The following ZNF609 variants were observed in gnomAD, a reference collection of about 807,000 sequenced individuals.
ZNF609 encodes zinc finger protein 609.
In ZNF609, 11 loss-of-function variants were observed where a neutral mutation model predicts 109.5. The observed-to-expected ratio is 0.10, with a 90% confidence interval of 0.06 to 0.17. ZNF609 has a LOEUF of 0.17. Ranked by LOEUF, ZNF609 falls within the 10% of genes least tolerant of loss-of-function variation. ZNF609 has a pLI of 1.00. For missense variants in ZNF609, 1,559 were observed against 1,772.4 expected (o/e 0.88, Z 2.16); for synonymous variants, 646 against 662.0 (o/e 0.98, Z 0.37).
intron 2 of ZNF609, among the ~76,000 whole-genome samples, chr15:64,586,471 A>G (rs1895198870): frequency 1.3e-5 from 2 of 152,148 alleles, no homozygotes; most frequent in African/African-American, 4.8e-5. Flanking sequence ...TGGCTGAGAA[A>G]GTATTAGCAC....
At chr15:64,655,465 CAT>C (rs1216263140) in intron 3 of ZNF609, among the ~76,000 whole-genome samples, 2 of 151,892 alleles carry the variant, frequency 1.3e-5, no homozygotes, top group African/African-American at 4.8e-5. Context: ...ATATCTATAA[CAT>C]AATACTAAAT....
At chr15:64,466,944 T>C (rs1406186593) in intron 1 of ZNF609, among the ~76,000 whole-genome samples, 1 of 151,934 alleles carries the variant, frequency 6.6e-6, no homozygotes, top group African/African-American at 2.4e-5. Flanking sequence ...TCTTCCCCCC[T>C]CCCCTTGCTC....
At chr15:64,602,879 C>T (rs1210869861) in intron 2 of ZNF609, among the ~76,000 whole-genome samples, 2 of 141,582 alleles carry the variant, frequency 1.4e-5, no homozygotes, top group South Asian at 2.4e-4. Context: ...CCTGCCACCA[C>T]TCTGGGCTAA....
intron 2 of ZNF609, among the ~76,000 whole-genome samples, chr15:64,613,082 G>A (rs548536536): frequency 6.6e-6 from 1 of 152,268 alleles, no homozygotes; most frequent in East Asian, 1.9e-4. Context: ...AGCACTTTGG[G>A]AGGCTGAGGT....
intron 3 of ZNF609, among the ~76,000 whole-genome samples, chr15:64,636,607 C>T (rs1209747782): frequency 6.6e-6 from 1 of 152,224 alleles, no homozygotes; most frequent in African/African-American, 2.4e-5. Flanking sequence ...ATTTATGAAG[C>T]TCCCTTTTGC....
chr15:64,603,256 A>T (rs540144267), intron 2 of ZNF609, among the ~76,000 whole-genome samples: 1 of 149,218 alleles, frequency 6.7e-6, no homozygotes, highest in Non-Finnish European at 1.5e-5. Context: ...GACTTGAGTC[A>T]GTCACTGAGT....
intron 2 of ZNF609, among the ~76,000 whole-genome samples, chr15:64,543,538 G>A (rs370969383): frequency 1.3e-4 from 19 of 151,572 alleles, no homozygotes; most frequent in African/African-American, 4.6e-4. Context: ...CCACCTCTGG[G>A]TTCAAACGTT....
At chr15:64,629,840 A>G (rs1896036791) in intron 3 of ZNF609, among the ~76,000 whole-genome samples, 1 of 152,200 alleles carries the variant, frequency 6.6e-6, no homozygotes, top group Non-Finnish European at 1.5e-5. Context: ...TTACTTTAGC[A>G]GCTTTCTATT....
intron 2 of ZNF609, among the ~76,000 whole-genome samples, chr15:64,522,963 A>G (rs1486520958): frequency 3.0e-5 from 3 of 100,446 alleles, no homozygotes; most frequent in African/African-American, 6.5e-5. Context: ...CTTTTAATAC[A>G]TTGTGGTTAA....
At chr15:64,567,208 G>T (rs1894789429) in intron 2 of ZNF609, among the ~76,000 whole-genome samples, 1 of 152,082 alleles carries the variant, frequency 6.6e-6, no homozygotes, top group Non-Finnish European at 1.5e-5. Flanking sequence ...CATTCCAGCT[G>T]GGCGCCATGA....
chr15:64,669,011 A>T (rs1896689440), intron 3 of ZNF609, among the ~76,000 whole-genome samples: 1 of 151,938 alleles, frequency 6.6e-6, no homozygotes, highest in South Asian at 2.1e-4. Context: ...CCCTATATAA[A>T]ACATAATTTT....
At chr15:64,582,723 C>CTTT (rs538806936) in intron 2 of ZNF609, among the ~76,000 whole-genome samples, 2 of 88,814 alleles carry the variant, frequency 2.3e-5, no homozygotes, top group Non-Finnish European at 4.0e-5. Context: ...TTTCTTTTTT[C>CTTT]TTTTTTTTTT....
At position 64,576,971 on chromosome 15, in the gene ZNF609, AAT is replaced by A. The variant is rs71133446; in HGVS notation, c.748-45847_748-45846del. On this transcript the variant is annotated intron_variant, in intron 2 of 9. Coordinates refer to ENST00000326648, the MANE Select transcript of ZNF609 (RefSeq NM_015042.2). ...ATACATATATGTATATATACACATA[AAT>A]ATATATATGTATGTATACACATAAA... 1.5e-3 allele frequency among the ~76,000 whole-genome samples: 194 copies of A among 131,540 alleles called. 4 individuals are homozygous for A. The highest frequency in any genetic ancestry group is 0.014 in the South Asian group (60 of 4,408). The allele number at this position is 131,540 out of a possible 152,430, so 86.3% of individuals were successfully genotyped here. A position where few individuals can be genotyped will look rare whatever the true frequency, so the allele number is the denominator to read the frequency against.
intron 2 of ZNF609, among the ~76,000 whole-genome samples, chr15:64,606,258 A>T (rs1384327579): frequency 6.7e-6 from 1 of 149,920 alleles, no homozygotes; most frequent in Non-Finnish European, 1.5e-5. Context: ...AGGACCCGCC[A>T]CCATGCCTGG....
At chr15:64,610,009 C>T (rs947702707) in intron 2 of ZNF609, among the ~76,000 whole-genome samples, 3 of 151,466 alleles carry the variant, frequency 2.0e-5, no homozygotes, top group African/African-American at 7.3e-5. Flanking sequence ...GAGATGCTAT[C>T]TCAAAAAATA....
Position 64,520,663 on chromosome 15 carries a change from C to T in ZNF609, c.747+20497C>T, listed in dbSNP as rs149323021. On this transcript the variant is annotated intron_variant, in intron 2 of 9. Coordinates refer to ENST00000326648, the MANE Select transcript of ZNF609 (RefSeq NM_015042.2). ...ACACGTTCTGGTATTCTCCCCAAATCTCTAAAAGGTGAGGTGAAATTAAGG... is the reference window on the plus strand; with the variant it reads ...ACACGTTCTGGTATTCTCCCCAAATTTCTAAAAGGTGAGGTGAAATTAAGG... Among the ~76,000 whole-genome samples the T allele has an allele frequency of 4.2e-3, 641 of 152,042 alleles. 9 individuals carry two copies. The highest frequency in any genetic ancestry group is 0.015 in the African/African-American group (609 of 41,456).
At chr15:64,540,625 T>G (rs1033349151) in intron 2 of ZNF609, among the ~76,000 whole-genome samples, 2 of 151,152 alleles carry the variant, frequency 1.3e-5, no homozygotes, top group African/African-American at 4.9e-5. Flanking sequence ...AGCGTGGTCT[T>G]GAACCCTTTA....
At chr15:64,563,212 G>T (rs1157276424) in intron 2 of ZNF609, among the ~76,000 whole-genome samples, 2 of 152,046 alleles carry the variant, frequency 1.3e-5, no homozygotes, top group Admixed American at 1.3e-4. Context: ...CACTTTGGGA[G>T]GCCAAGGTAG....
Position 64,674,945 on chromosome 15 carries a change from C to T in ZNF609, c.2091C>T (p.Asn697=), listed in dbSNP as rs747592737. ...CCACAGTGGCACAAGCCATGCCCAA[C>T]AGTCCCCAACTCAAGCCCATTCAGC... ...LTATVAQAMP[N]SPQLKPIQPK... is the part of the protein sequence containing the mutation. The change falls in exon 5 of 10, where the codon AAC becomes AAT. Residue 697 remains asparagine, a synonymous_variant. Transcript: ENST00000326648. 1.9e-6 allele frequency: 3 copies of T among 1,614,006 alleles called. No individual in the cohort carries two copies. Among genetic ancestry groups the T allele is most frequent in the African/African-American group, 2.7e-5 (2 of 74,914 alleles).
Sources: gnomAD v4.1 joint callset for allele counts (sites outside exome capture counted in the v4.1 genomes callset) on GRCh38, gnomAD v4.1.1 for gene constraint, MANE v1.5 for transcripts, NCBI Gene and HGNC (gene_info 2026-07-23, HGNC 2026-07-21) for gene names.